The following STX17 variants were observed in gnomAD, a reference collection of about 807,000 sequenced individuals.
STX17 encodes syntaxin-17.
STX17 carries 29 observed loss-of-function variants against 35.9 expected under a neutral mutation model. The ratio of observed to expected loss-of-function variants is 0.81; its 90% CI spans 0.60 to 1.10. STX17 has a LOEUF of 1.10. Ranked by LOEUF, STX17 falls within the 50% of genes least tolerant of loss-of-function variation. The pLI is 0.00. For synonymous variants in STX17, 92 were observed against 118.3 expected, an observed-to-expected ratio of 0.78 and a Z score of 1.44; for missense variants, 312 against 352.3, an observed-to-expected ratio of 0.89 and a Z score of 0.92.
intron 2 of STX17, among the ~76,000 whole-genome samples, chr9:99,917,267 C>CT (rs142879781): frequency 0.06 from 9,040 of 151,860 alleles, 365 homozygotes; most frequent in East Asian, 0.087. Context: ...ATAAAAGTGA[C>CT]TTTTTTTTAT....
chr9:99,920,408 C>T (rs1377639512), intron 2 of STX17, among the ~76,000 whole-genome samples: 2 of 152,152 alleles, frequency 1.3e-5, no homozygotes, highest in African/African-American at 4.8e-5. Flanking sequence ...AGGACAAAAG[C>T]TCCTTATTGA....
At chr9:99,922,740 C>T (rs1251147282) in intron 2 of STX17, among the ~76,000 whole-genome samples, 2 of 152,170 alleles carry the variant, frequency 1.3e-5, no homozygotes, top group Non-Finnish European at 2.9e-5. Flanking sequence ...AGGTCTTCCC[C>T]ATCTATGCTT....
chr9:99,919,456 C>A (rs1450662408), intron 2 of STX17, among the ~76,000 whole-genome samples: 1 of 152,184 alleles, frequency 6.6e-6, no homozygotes, highest in African/African-American at 2.4e-5. Context: ...ACCCCTTTTG[C>A]AGGCTTACAT....
chr9:99,914,440 T>C (rs1345474277), intron 1 of STX17, among the ~76,000 whole-genome samples: 1 of 152,206 alleles, frequency 6.6e-6, no homozygotes, highest in Non-Finnish European at 1.5e-5. Context: ...ACGCTTGTAC[T>C]CTGGCCCCAA....
At chr9:99,907,592 G>T (rs889459292) in intron 1 of STX17, among the ~76,000 whole-genome samples, 24 of 152,180 alleles carry the variant, frequency 1.6e-4, no homozygotes, top group South Asian at 2.1e-4. Flanking sequence ...CAGTGAATAC[G>T]ATGGCAGTTC....
At chr9:99,909,205 TTCC>T (rs1448748393) in intron 1 of STX17, among the ~76,000 whole-genome samples, 1 of 152,250 alleles carries the variant, frequency 6.6e-6, no homozygotes, top group Admixed American at 6.5e-5. Context: ...ATAATTTTTC[TTCC>T]TCACTTCTTT....
rs78673427 is a variant in STX17 at position 99,947,737 on chromosome 9, T to A, written c.190-3323T>A. On this transcript the variant is annotated intron_variant, in intron 3 of 7. Coordinates refer to ENST00000259400, the MANE Select transcript of STX17 (RefSeq NM_017919.3). ...TGTTCCTAGGGTGGAGCTCTGACGA[T>A]CCCAGCCAAAAGTACCAGAGTCCTT... 7.8e-3 allele frequency among the ~76,000 whole-genome samples: 1,185 copies of A among 152,178 alleles called. 25 individuals are homozygous for A. The highest frequency in any genetic ancestry group is 0.03 in the Admixed American group (462 of 15,250).
chr9:99,906,762 G>T (rs1828555847), intron 1 of STX17, 56 bp downstream of exon 1: 1 of 152,252 alleles, frequency 6.6e-6, no homozygotes, highest in Non-Finnish European at 1.5e-5. Flanking sequence ...CAGGCTTGGT[G>T]GGCCTGGCGC....
chr9:99,953,496 T>G (rs539716727), intron 4 of STX17, among the ~76,000 whole-genome samples: 36 of 152,206 alleles, frequency 2.4e-4, no homozygotes, highest in Admixed American at 2.2e-3. Context: ...AATTACCGTT[T>G]CATTATTCTG....
chr9:99,923,484 T>G (rs1828927751), intron 2 of STX17, among the ~76,000 whole-genome samples: 1 of 152,190 alleles, frequency 6.6e-6, no homozygotes, highest in South Asian at 2.1e-4. Flanking sequence ...ATGTTTTCTC[T>G]TATACTCTCA....
intron 2 of STX17, among the ~76,000 whole-genome samples, chr9:99,916,529 C>G (rs1828779619): frequency 6.6e-6 from 1 of 151,630 alleles, no homozygotes; most frequent in Non-Finnish European, 1.5e-5. Context: ...TTATTCATTA[C>G]TCAACTCAGT....
chr9:99,954,017 A>T (rs1183726446), intron 4 of STX17: 4 of 152,034 alleles, frequency 2.6e-5, no homozygotes, highest in Non-Finnish European at 4.4e-5. Flanking sequence ...ATATAAAAAA[A>T]AACTTCGGCA....
At chr9:99,949,082 C>T (rs1829541779) in intron 3 of STX17, among the ~76,000 whole-genome samples, 1 of 152,052 alleles carries the variant, frequency 6.6e-6, no homozygotes, top group Non-Finnish European at 1.5e-5. Context: ...CCAAATTCTG[C>T]CACTGTGTTT....
chr9:99,949,302 A>G (rs1445087805), intron 3 of STX17, among the ~76,000 whole-genome samples: 1 of 152,118 alleles, frequency 6.6e-6, no homozygotes, highest in Non-Finnish European at 1.5e-5. Context: ...TCATGGTAAG[A>G]TAGAGGCACA....
intron 6 of STX17, among the ~76,000 whole-genome samples, chr9:99,965,172 T>G (rs538975815): frequency 6.6e-6 from 1 of 152,306 alleles, no homozygotes; most frequent in African/African-American, 2.4e-5. Context: ...GTTCAAATAA[T>G]TAGTGATCTC....
chr9:99,928,872 T>G (rs1476899109), intron 3 of STX17, 29 bp downstream of exon 3: 5 of 1,604,152 alleles, frequency 3.1e-6, no homozygotes, highest in Non-Finnish European at 4.3e-6. Flanking sequence ...TTCTGCTAAA[T>G]CAGTATGAAA....
At chr9:99,914,459 C>T (rs1828726933) in intron 1 of STX17, among the ~76,000 whole-genome samples, 1 of 152,082 alleles carries the variant, frequency 6.6e-6, no homozygotes, top group African/African-American at 2.4e-5. Context: ...AAATGCATAC[C>T]CTTGGACTTT....
At chr9:99,910,265 G>A (rs1198106706) in intron 1 of STX17, among the ~76,000 whole-genome samples, 1 of 151,592 alleles carries the variant, frequency 6.6e-6, no homozygotes, top group Non-Finnish European at 1.5e-5. Context: ...AAAAAGAAAT[G>A]CAAATGGCTG....
In STX17 at chr9:99,967,447, A is replaced by G. The variant is rs1829936942; in HGVS notation, c.583-206A>G. 9.4e-6 allele frequency: 4 copies of G among 423,628 alleles called. No homozygotes were observed. The East Asian group carries it at 1.4e-4, about 14-fold the overall frequency. 26.2% of individuals were successfully genotyped at this position (423,628 alleles called of 1,614,324 possible). A position where few individuals can be genotyped will look rare whatever the true frequency, so the allele number is the denominator to read the frequency against. The stretch of plus-strand genomic sequence containing the variant: ...TTTGCTGTAAAGTTGCCACCCTTTT[A>G]TTACCTAATAATTAAGACCCCCCCC... On this transcript the variant is annotated intron_variant, in intron 6 of 7. Transcript: ENST00000259400.
Sources: allele counts gnomAD v4.1 joint callset (sites outside exome capture counted in the v4.1 genomes callset), GRCh38; gene constraint gnomAD v4.1.1; transcripts MANE v1.5; gene names NCBI Gene and HGNC (gene_info 2026-07-23, HGNC 2026-07-21).